CDH13: variants seen among roughly 807,000 people sequenced by gnomAD.
CDH13 encodes the protein cadherin-13.
Under a neutral mutation model 63.8 loss-of-function variants are expected in CDH13, and 24 were observed. The ratio of observed to expected loss-of-function variants is 0.38; its 90% confidence interval spans 0.27 to 0.53. CDH13 has a LOEUF of 0.53. Ranked by LOEUF, CDH13 falls within the 20% of genes least tolerant of loss-of-function variation. The pLI, the probability that CDH13 is intolerant of heterozygous loss-of-function variation, is 0.85. For synonymous variants in CDH13, 503 were observed against 355.3 expected (o/e 1.42, Z -4.67); for missense variants, 1,049 against 903.1 (o/e 1.16, Z -2.07).
intron 7 of CDH13, among the ~76,000 whole-genome samples, chr16:83,540,198 G>T (rs1170410472): frequency 6.6e-6 from 1 of 151,890 alleles, no homozygotes; most frequent in Middle Eastern, 3.4e-3. Context: ...CCGAGTAGCT[G>T]GTGTTGGAGG....
chr16:82,887,559 G>C (rs935925822), intron 2 of CDH13, among the ~76,000 whole-genome samples: 1 of 152,160 alleles, frequency 6.6e-6, no homozygotes. Context: ...AGTGGCTCAC[G>C]CCTGTAATCC....
At chr16:83,493,650 G>T (rs940923938) in intron 7 of CDH13, among the ~76,000 whole-genome samples, 1 of 152,192 alleles carries the variant, frequency 6.6e-6, no homozygotes, top group Non-Finnish European at 1.5e-5. Flanking sequence ...GGTATAGAGA[G>T]ATACCAGAAA....
chr16:83,484,144 C>G (rs1479098971), intron 6 of CDH13, among the ~76,000 whole-genome samples: 1 of 152,138 alleles, frequency 6.6e-6, no homozygotes, highest in Non-Finnish European at 1.5e-5. Flanking sequence ...TTTATCTGAT[C>G]AATCAGGCCT....
chr16:82,870,585 G>A (rs1048837823), intron 2 of CDH13, among the ~76,000 whole-genome samples: 4 of 151,844 alleles, frequency 2.6e-5, no homozygotes, highest in Admixed American at 2.6e-4. Context: ...GCGTAATAGG[G>A]TAACAAAAAT....
chr16:83,287,848 A>G (rs970541814), intron 5 of CDH13, among the ~76,000 whole-genome samples: 1 of 152,218 alleles, frequency 6.6e-6, no homozygotes, highest in African/African-American at 2.4e-5. Flanking sequence ...ATCAAGAGTG[A>G]TAGCATTGTA....
intron 5 of CDH13, among the ~76,000 whole-genome samples, chr16:83,304,857 CCTCT>C (rs2089836564): frequency 6.6e-6 from 1 of 152,136 alleles, no homozygotes; most frequent in Non-Finnish European, 1.5e-5. Context: ...CCCCACCTTT[CCTCT>C]CTCTGTCTCT....
chr16:83,433,752 G>C (rs1348004649), intron 6 of CDH13, among the ~76,000 whole-genome samples: 1 of 152,194 alleles, frequency 6.6e-6, no homozygotes, highest in Non-Finnish European at 1.5e-5. Flanking sequence ...ATTAGCTACT[G>C]CCATGTCACA....
chr16:82,942,762 G>T (rs1597260476), intron 2 of CDH13, among the ~76,000 whole-genome samples: 1 of 152,070 alleles, frequency 6.6e-6, no homozygotes, highest in African/African-American at 2.4e-5. Flanking sequence ...CATGTGATAT[G>T]CCCAAGGTCA....
intron 7 of CDH13, among the ~76,000 whole-genome samples, chr16:83,535,702 A>G (rs1377988597): frequency 6.6e-6 from 1 of 152,156 alleles, no homozygotes; most frequent in Non-Finnish European, 1.5e-5. Flanking sequence ...TCCCCAAGAT[A>G]TGATAATGTT....
intron 1 of CDH13, among the ~76,000 whole-genome samples, chr16:82,664,456 A>G (rs1353194780): frequency 6.6e-6 from 1 of 152,194 alleles, no homozygotes; most frequent in Non-Finnish European, 1.5e-5. Context: ...GTTGCTTGGA[A>G]AAGCTGCCAG....
intron 6 of CDH13, among the ~76,000 whole-genome samples, chr16:83,468,390 C>G (rs561859656): frequency 6.6e-6 from 1 of 152,152 alleles, no homozygotes; most frequent in Non-Finnish European, 1.5e-5. Context: ...AAGAGACCTC[C>G]CCTAGAGTGT....
chr16:83,790,625 G>A (rs1040999987), intron 13 of CDH13, among the ~76,000 whole-genome samples: 17 of 151,956 alleles, frequency 1.1e-4, no homozygotes, highest in African/African-American at 3.9e-4. Context: ...GGATGGTCTC[G>A]ATCTCCCGAC....
chr16:82,950,807 CT>C (rs67534843), intron 2 of CDH13, among the ~76,000 whole-genome samples: 7,573 of 132,030 alleles, frequency 0.057, 292 homozygotes, highest in African/African-American at 0.13. Context: ...ACTCCCACAT[CT>C]TTTTTTTTTT....
intron 4 of CDH13, among the ~76,000 whole-genome samples, chr16:83,172,901 G>A (rs1298803517): frequency 6.6e-6 from 1 of 152,092 alleles, no homozygotes; most frequent in Non-Finnish European, 1.5e-5. Context: ...ATTTCATCAA[G>A]TATAATGAAC....
intron 10 of CDH13, among the ~76,000 whole-genome samples, chr16:83,707,296 C>G (rs917749627): frequency 1.3e-5 from 2 of 152,300 alleles, no homozygotes; most frequent in South Asian, 2.1e-4. Context: ...AGGAAGTAAT[C>G]TCTTTCTCCT....
At chr16:83,427,886 T>C (rs1047832435) in intron 6 of CDH13, among the ~76,000 whole-genome samples, 32 of 152,364 alleles carry the variant, frequency 2.1e-4, no homozygotes, top group Middle Eastern at 3.4e-3. Flanking sequence ...GCCGTGAAGA[T>C]GTTCCTTGGA....
At chr16:83,631,146 G>A (rs981889175) in intron 8 of CDH13, among the ~76,000 whole-genome samples, 1 of 152,178 alleles carries the variant, frequency 6.6e-6, no homozygotes, top group African/African-American at 2.4e-5. Flanking sequence ...GCCAGCAGAT[G>A]CAGTCAACGA....
chr16:83,404,450 G>C (rs547541043), intron 6 of CDH13, among the ~76,000 whole-genome samples: 1 of 152,326 alleles, frequency 6.6e-6, no homozygotes, highest in Admixed American at 6.5e-5. Flanking sequence ...AGGGTAAGCA[G>C]CTTCGCAGAA....
intron 7 of CDH13, among the ~76,000 whole-genome samples, chr16:83,497,506 T>G (rs1437712209): frequency 3.7e-4 from 39 of 104,486 alleles, no homozygotes; most frequent in African/African-American, 1.5e-3. Flanking sequence ...CTCTGGGGAC[T>G]GTTGTGGGGT....
Sources: allele counts gnomAD v4.1 joint callset (sites outside exome capture counted in the v4.1 genomes callset), GRCh38; gene constraint gnomAD v4.1.1; transcripts MANE v1.5; gene names NCBI Gene and HGNC (gene_info 2026-07-23, HGNC 2026-07-21).